ELMO2: variants seen among roughly 807,000 people sequenced by gnomAD.
ELMO2 encodes engulfment and cell motility 2.
Under a neutral mutation model 96.2 loss-of-function variants are expected in ELMO2, and 37 were observed. The ratio of observed to expected loss-of-function variants is 0.38; its 90% CI spans 0.30 to 0.51. The LOEUF is 0.51. Ranked by LOEUF, ELMO2 falls within the 20% of genes least tolerant of loss-of-function variation. The pLI, the probability that ELMO2 is intolerant of heterozygous loss-of-function variation, is 0.88. For missense variants in ELMO2, 561 were observed against 912.6 expected (o/e 0.61, Z 4.96); for synonymous variants, 315 against 329.4 (o/e 0.96, Z 0.47).
At chr20:46,400,327 T>A (rs1196657653) in intron 1 of ELMO2, among the ~76,000 whole-genome samples, 1 of 152,208 alleles carries the variant, frequency 6.6e-6, no homozygotes, top group East Asian at 1.9e-4. Flanking sequence ...GTTCTCCAGA[T>A]AATATTCCCA....
intron 21 of ELMO2, among the ~76,000 whole-genome samples, chr20:46,368,055 G>C (rs968297799): frequency 6.6e-6 from 1 of 152,042 alleles, no homozygotes; most frequent in African/African-American, 2.4e-5. Context: ...GCTAAGAGGG[G>C]GTGACCAGGA....
intron 6 of ELMO2, 26 bp from the exon 7 acceptor site, chr20:46,389,246 G>A (rs760942505): frequency 1.2e-5 from 20 of 1,607,386 alleles, no homozygotes; most frequent in Middle Eastern, 1.7e-4. Flanking sequence ...CAAGATATGT[G>A]CCATCTGCTC....
chr20:46,386,981 G>A (rs1419824326), intron 8 of ELMO2, among the ~76,000 whole-genome samples: 8 of 152,148 alleles, frequency 5.3e-5, no homozygotes, highest in Non-Finnish European at 1.0e-4. Context: ...CAAATGAAAT[G>A]CAAATTTTTT....
intron 1 of ELMO2, among the ~76,000 whole-genome samples, chr20:46,405,584 C>T (rs1484805975): frequency 6.6e-6 from 1 of 152,128 alleles, no homozygotes; most frequent in Non-Finnish European, 1.5e-5. Context: ...CCCTAAGCAT[C>T]CAGATCTGCT....
In ELMO2 at chr20:46,394,366, C is replaced by T. The variant is rs371344838; in HGVS notation, c.78+39G>A. The stretch of plus-strand genomic sequence containing the variant: ...TCCTCTGCCATGCACTCCCCAGGTG[C>T]CTTTCCTTGAACCACTGCTTCTCAC... On this transcript the variant is annotated intron_variant, in intron 3 of 21. Coordinates refer to ENST00000290246, the MANE Select transcript of ELMO2 (RefSeq NM_133171.5). 5 of 1,608,154 alleles carry T rather than the reference C, an allele frequency of 3.1e-6. No homozygotes were observed. The African/African-American group carries it at 6.7e-5, about 21-fold the overall frequency.
intron 16 of ELMO2, chr20:46,372,700 A>G (rs2059750101): frequency 6.6e-6 from 1 of 152,272 alleles, no homozygotes; most frequent in South Asian, 2.1e-4. Context: ...AAAAAAATGC[A>G]TTGGTCCCCT....
chr20:46,373,513 G>A lies in ELMO2; in HGVS notation c.1302C>T (p.Tyr434=). The A allele has an allele frequency of 6.2e-7, 1 of 1,614,204 alleles. No homozygotes were observed. Among genetic ancestry groups the A allele is most frequent in the Non-Finnish European group, 8.5e-7 (1 of 1,180,040 alleles). The part of the protein sequence containing the change: ...GELPNEGRND[Y]HPMFFTHDRA... ...GGTCATGGGTAAAGAACATCGGGTG[G>A]TAGTCATTGCGTCCTTCATTTGCTG... Residue 434 remains tyrosine, a synonymous_variant, in exon 16 of 22, where the codon TAC becomes TAT. Coordinates refer to ENST00000290246, the MANE Select transcript of ELMO2 (RefSeq NM_133171.5).
At chr20:46,369,504 G>A (rs908577864) in intron 20 of ELMO2, 1 of 153,100 alleles carries the variant, frequency 6.5e-6, no homozygotes, top group African/African-American at 2.4e-5. Context: ...TAGTAGATAA[G>A]GGCAAGTTTC....
chr20:46,369,006 G>A (rs762470071), intron 20 of ELMO2, 38 bp from the exon 21 acceptor site: 3 of 1,596,094 alleles, frequency 1.9e-6, no homozygotes, highest in East Asian at 4.5e-5. Flanking sequence ...CGATGGAACA[G>A]CCTGGGGTCT....
intron 9 of ELMO2, among the ~76,000 whole-genome samples, chr20:46,385,507 A>G (rs1173515036): frequency 2.0e-5 from 3 of 152,208 alleles, no homozygotes; most frequent in Non-Finnish European, 4.4e-5. Flanking sequence ...TGATTAACCT[A>G]TTCTAGAGAT....
At chr20:46,378,892 G>C (rs745393345) in intron 11 of ELMO2, among the ~76,000 whole-genome samples, 1 of 152,220 alleles carries the variant, frequency 6.6e-6, no homozygotes, top group Non-Finnish European at 1.5e-5. Flanking sequence ...AGACTCCAAA[G>C]TCCATGTTTA....
intron 7 of ELMO2, 92 bp downstream of exon 7, chr20:46,388,947 C>T (rs770084676): frequency 1.5e-4 from 203 of 1,360,216 alleles, no homozygotes; most frequent in Non-Finnish European, 2.0e-4. Flanking sequence ...TCAATAAACT[C>T]CTTATTTGAC....
At chr20:46,368,531 T>A (rs1456862343) in intron 21 of ELMO2, among the ~76,000 whole-genome samples, 3 of 152,040 alleles carry the variant, frequency 2.0e-5, no homozygotes, top group Non-Finnish European at 2.9e-5. Flanking sequence ...TAGTTGACCT[T>A]ATCTTTGTAA....
chr20:46,393,460 A>G (rs1201742523), intron 5 of ELMO2, 69 bp downstream of exon 5: 11 of 1,519,726 alleles, frequency 7.2e-6, no homozygotes, highest in Admixed American at 3.4e-5. Context: ...GAAGATAAAT[A>G]GTGCCGTCTC....
At chr20:46,380,763 C>T (rs2059941795) in intron 10 of ELMO2, among the ~76,000 whole-genome samples, 1 of 152,202 alleles carries the variant, frequency 6.6e-6, no homozygotes, top group South Asian at 2.1e-4. Context: ...TCCCACCCTA[C>T]AGCAGACGGC....
chr20:46,400,919 G>C (rs751144057), intron 1 of ELMO2, among the ~76,000 whole-genome samples: 1 of 152,218 alleles, frequency 6.6e-6, no homozygotes, highest in Non-Finnish European at 1.5e-5. Context: ...ATTGGAAACC[G>C]AATCTTAAGG....
At chr20:46,393,323 C>T (rs988165390) in intron 5 of ELMO2, among the ~76,000 whole-genome samples, 180 bp from the exon 6 acceptor site, 13 of 152,198 alleles carry the variant, frequency 8.5e-5, no homozygotes, top group Admixed American at 7.9e-4. Context: ...TCCTCTAGCA[C>T]CCTGGGCACT....
At chr20:46,380,540 A>T (rs1197884831) in intron 10 of ELMO2, among the ~76,000 whole-genome samples, 2 of 152,174 alleles carry the variant, frequency 1.3e-5, no homozygotes, top group Non-Finnish European at 1.5e-5. Context: ...TCCTTTCCTA[A>T]TGGCACAATC....
At chr20:46,386,722 T>C (rs2060051922) in intron 8 of ELMO2, among the ~76,000 whole-genome samples, 1 of 152,214 alleles carries the variant, frequency 6.6e-6, no homozygotes, top group African/African-American at 2.4e-5. Flanking sequence ...TATAATATCC[T>C]TGACACATGG....
Sources: gnomAD v4.1 joint callset for allele counts (sites outside exome capture counted in the v4.1 genomes callset) on GRCh38, gnomAD v4.1.1 for gene constraint, MANE v1.5 for transcripts, NCBI Gene and HGNC (gene_info 2026-07-23, HGNC 2026-07-21) for gene names.